The following EXPH5 variants were observed in gnomAD, a reference collection of about 807,000 sequenced individuals.
EXPH5 encodes the protein exophilin 5.
In EXPH5, 42 loss-of-function variants were observed where a neutral mutation model predicts 41.1. The ratio of observed to expected loss-of-function variants is 1.02; its 90% confidence interval spans 0.80 to 1.32. The LOEUF is 1.32. EXPH5 is among the 40% of genes most tolerant of loss of function. The pLI is 0.00. For synonymous variants in EXPH5, 798 were observed against 833.5 expected, an observed-to-expected ratio of 0.96 and a Z score of 0.73; for missense variants, 2,298 against 2,314.5, an observed-to-expected ratio of 0.99 and a Z score of 0.15.
At chr11:108,572,846 A>C (rs2094065375) in intron 1 of EXPH5, among the ~76,000 whole-genome samples, 1 of 152,156 alleles carries the variant, frequency 6.6e-6, no homozygotes, top group Non-Finnish European at 1.5e-5. Flanking sequence ...GGCATGAGCC[A>C]CTGCACCCAG....
chr11:108,544,668 A>G (rs1229723887), intron 1 of EXPH5, among the ~76,000 whole-genome samples: 1 of 152,220 alleles, frequency 6.6e-6, no homozygotes, highest in African/African-American at 2.4e-5. Context: ...CCCCACCCCA[A>G]GAACATTAAT....
chr11:108,571,309 A>T (rs946562974), intron 1 of EXPH5, among the ~76,000 whole-genome samples: 1 of 152,198 alleles, frequency 6.6e-6, no homozygotes, highest in Non-Finnish European at 1.5e-5. Flanking sequence ...GCTATACCAT[A>T]ACCCACAACT....
chr11:108,513,971 C>T lies in EXPH5; in HGVS notation c.1536G>A (p.Met512Ile), dbSNP rs1244344527. Residue 512 changes from methionine to isoleucine, a missense_variant, in exon 6 of 6, where the codon ATG (methionine) becomes ATA (isoleucine). Transcript: ENST00000265843. The part of the protein sequence containing the change: ...SSDRDFEMIS[M>I]EANSVSAIHG... ...GAATGGCTGATACACTATTTGCTTC[C>T]ATGGAAATCATTTCAAAGTCTCTGT... 6.2e-7 allele frequency: 1 copy of T among 1,609,430 alleles called. No homozygotes were observed. Among genetic ancestry groups the T allele is most frequent in the Admixed American group, 1.7e-5 (1 of 59,332 alleles).
intron 2 of EXPH5, among the ~76,000 whole-genome samples, chr11:108,540,046 G>A (rs1046609500): frequency 6.6e-5 from 10 of 152,102 alleles, no homozygotes; most frequent in African/African-American, 9.7e-5. Context: ...GGCCAGGCAC[G>A]GTAGCTCACG....
intron 1 of EXPH5, among the ~76,000 whole-genome samples, chr11:108,547,694 C>A: frequency 6.6e-6 from 1 of 151,844 alleles, no homozygotes; most frequent in Non-Finnish European, 1.5e-5. Context: ...TTTTAAGAAT[C>A]TTTCTTTGTT....
intron 5 of EXPH5, among the ~76,000 whole-genome samples, chr11:108,516,866 TAATC>T (rs1320751186): frequency 1.3e-5 from 2 of 152,154 alleles, no homozygotes; most frequent in Admixed American, 6.5e-5. Flanking sequence ...CACAATAAAA[TAATC>T]AAGCAATGCT....
At chr11:108,566,235 C>A (rs924804907) in intron 1 of EXPH5, among the ~76,000 whole-genome samples, 1 of 152,130 alleles carries the variant, frequency 6.6e-6, no homozygotes, top group East Asian at 1.9e-4. Flanking sequence ...CGGAACTAGA[C>A]TTGCTGGGGA....
intron 1 of EXPH5, among the ~76,000 whole-genome samples, chr11:108,587,970 C>A (rs1282624950): frequency 6.6e-6 from 1 of 152,158 alleles, no homozygotes; most frequent in Non-Finnish European, 1.5e-5. Flanking sequence ...CCAGGCTGGT[C>A]TCAAACTCCT....
Position 108,513,088 on chromosome 11 carries a change from T to C in EXPH5, c.2419A>G (p.Thr807Ala). 1 of 1,611,424 alleles carries C rather than the reference T, an allele frequency of 6.2e-7. No individual in the cohort carries two copies. The highest frequency in any genetic ancestry group is 1.1e-5 in the South Asian group (1 of 90,366). ...TCCTGAATGAAAGGAAGGGAAGCTG[T>C]TGAGCCAAGTTTTCTGTTTTCAGTA... Reference protein sequence around the residue: ...RFTENRKLGSTASLPFIQEHR... With the variant: ...RFTENRKLGSAASLPFIQEHR... Residue 807 changes from threonine (T) to alanine (A), a missense_variant, in exon 6 of 6, where the codon ACA (threonine) becomes GCA (alanine). Coordinates refer to ENST00000265843, the MANE Select transcript of EXPH5 (RefSeq NM_015065.3).
chr11:108,546,345 A>C (rs963171372), intron 1 of EXPH5, among the ~76,000 whole-genome samples: 1 of 152,168 alleles, frequency 6.6e-6, no homozygotes, highest in African/African-American at 2.4e-5. Flanking sequence ...AGTGCGGGGC[A>C]GGAGACCAGT....
intron 3 of EXPH5, among the ~76,000 whole-genome samples, chr11:108,529,091 G>A (rs2093819508): frequency 6.6e-6 from 1 of 151,062 alleles, no homozygotes; most frequent in African/African-American, 2.4e-5. Context: ...TTATTTTAAA[G>A]AGCAATTAAG....
At chr11:108,515,839 G>T (rs543529276) in intron 5 of EXPH5, among the ~76,000 whole-genome samples, 43 of 152,188 alleles carry the variant, frequency 2.8e-4, no homozygotes, top group African/African-American at 1.0e-3. Flanking sequence ...TTGGGAGGCC[G>T]AGGCGGGCGG....
intron 1 of EXPH5, among the ~76,000 whole-genome samples, chr11:108,553,792 A>T (rs955804295): frequency 3.9e-5 from 6 of 152,196 alleles, no homozygotes; most frequent in African/African-American, 1.4e-4. Flanking sequence ...TTGCTATTTG[A>T]CATAAGTGCA....
chr11:108,571,176 G>A (rs546820402), intron 1 of EXPH5, among the ~76,000 whole-genome samples: 1 of 152,330 alleles, frequency 6.6e-6, no homozygotes, highest in Non-Finnish European at 1.5e-5. Context: ...TACCCTGGAG[G>A]GAGTGTGTTA....
In EXPH5 at chr11:108,512,581, T is replaced by A; in HGVS notation, c.2926A>T (p.Ile976Leu). ...TCAATACAGGATATATGATGCCTTA[T>A]TTTTCCTTTTCCTCTTTCATTCCTA... ...PFRNERGKGK[I>L]RHHISCIEKL... is the part of the protein sequence containing the mutation. Residue 976 changes from isoleucine to leucine, a missense_variant, in exon 6 of 6, where the codon ATA becomes TTA. By Grantham distance (5) the Ile-to-Leu change is conservative (BLOSUM62 2). Coordinates refer to ENST00000265843, the MANE Select transcript of EXPH5 (RefSeq NM_015065.3). 6.2e-7 allele frequency: 1 copy of A among 1,612,392 alleles called. No individual in the cohort carries two copies. Among genetic ancestry groups the A allele is most frequent in the Non-Finnish European group, 8.5e-7 (1 of 1,179,644 alleles).
chr11:108,528,695 C>CTTTTTTTTTTTTTTTT (rs58500316), intron 3 of EXPH5, among the ~76,000 whole-genome samples: 1 of 106,334 alleles, frequency 9.4e-6, no homozygotes, highest in African/African-American at 3.7e-5. Flanking sequence ...TTTTCTTTCC[C>CTTTTTTTTTTTTTTTT]TTTTTTTTTT....
At chr11:108,570,122 C>T (rs1481754705) in intron 1 of EXPH5, among the ~76,000 whole-genome samples, 1 of 152,162 alleles carries the variant, frequency 6.6e-6, no homozygotes, top group Admixed American at 6.5e-5. Flanking sequence ...GGCCCAGGCC[C>T]CTGGAGGTAT....
intron 1 of EXPH5, chr11:108,567,811 T>C (rs2094041101): frequency 6.6e-6 from 1 of 152,236 alleles, no homozygotes; most frequent in Non-Finnish European, 1.5e-5. Flanking sequence ...ATTCTCAGCC[T>C]TGCTGTTTTA....
At chr11:108,543,537 C>G (rs547508660) in intron 1 of EXPH5, among the ~76,000 whole-genome samples, 1 of 152,124 alleles carries the variant, frequency 6.6e-6, no homozygotes, top group African/African-American at 2.4e-5. Flanking sequence ...GAAAAGTATT[C>G]CGTGTGGCTC....
Sources: allele counts gnomAD v4.1 joint callset (sites outside exome capture counted in the v4.1 genomes callset), GRCh38; gene constraint gnomAD v4.1.1; transcripts MANE v1.5; gene names NCBI Gene and HGNC (gene_info 2026-07-23, HGNC 2026-07-21).